Variants in SERPINI1 observed in about 807,000 individuals in gnomAD.
The protein encoded by SERPINI1 is serpin family I member 1.
SERPINI1 carries 19 observed loss-of-function variants against 41.1 expected under a neutral mutation model. That is an observed-to-expected ratio of 0.46 (90% confidence interval 0.32 to 0.68). SERPINI1 has a LOEUF of 0.68. SERPINI1 is among the 30% of genes least tolerant of loss of function. The pLI, the probability that SERPINI1 is intolerant of heterozygous loss-of-function variation, is 0.03. For synonymous variants in SERPINI1, 138 were observed against 156.6 expected (o/e 0.88, Z 0.89); for missense variants, 460 against 479.2 (o/e 0.96, Z 0.37).
intron 1 of SERPINI1, among the ~76,000 whole-genome samples, chr3:167,759,501 ATAT>A (rs1726309778): frequency 6.6e-6 from 1 of 151,596 alleles, no homozygotes; most frequent in Admixed American, 6.6e-5. Context: ...CAGAGGCCTA[ATAT>A]TATCCTAATT....
Position 167,789,157 on chromosome 3 carries a change from T to C in SERPINI1, c.29T>C (p.Leu10Pro). 1 of 1,614,138 alleles carries C rather than the reference T, an allele frequency of 6.2e-7. No individual in the cohort carries two copies. Among genetic ancestry groups the C allele is most frequent in the Non-Finnish European group, 8.5e-7 (1 of 1,179,986 alleles). MAFLGLFSL[L>P]VLQSMATGAT... ...GCTTTCCTTGGACTCTTCTCTTTGC[T>C]GGTTCTGCAAAGTATGGCTACAGGG... Residue 10 changes from leucine (L) to proline (P), a missense_variant, in exon 2 of 9, where the codon CTG (leucine) becomes CCG (proline). By Grantham distance (98) the Leu-to-Pro change is moderately conservative. Transcript: ENST00000446050.
At chr3:167,784,155 T>C (rs1399474467) in intron 1 of SERPINI1, among the ~76,000 whole-genome samples, 1 of 152,212 alleles carries the variant, frequency 6.6e-6, no homozygotes, top group African/African-American at 2.4e-5. Context: ...TCTGACCATC[T>C]GTAACCTCTG....
At chr3:167,793,850 G>A (rs1727622181) in intron 4 of SERPINI1, among the ~76,000 whole-genome samples, 1 of 151,092 alleles carries the variant, frequency 6.6e-6, no homozygotes, top group African/African-American at 2.4e-5. Flanking sequence ...GTGTGTGTGT[G>A]TGTGTGTGTG....
At chr3:167,772,128 G>A (rs1726776716) in intron 1 of SERPINI1, among the ~76,000 whole-genome samples, 1 of 152,098 alleles carries the variant, frequency 6.6e-6, no homozygotes, top group Admixed American at 6.6e-5. Context: ...CTACCTATAG[G>A]CTTGTTATGA....
chr3:167,742,394 A>C (rs1333483473), intron 1 of SERPINI1, among the ~76,000 whole-genome samples: 7 of 152,202 alleles, frequency 4.6e-5, no homozygotes, highest in African/African-American at 1.4e-4. Flanking sequence ...TGAGGAGAGT[A>C]GTTGTTTGCT....
At chr3:167,758,981 G>C (rs1248719209) in intron 1 of SERPINI1, among the ~76,000 whole-genome samples, 2 of 152,070 alleles carry the variant, frequency 1.3e-5, no homozygotes, top group African/African-American at 4.8e-5. Context: ...TATAAAAGAA[G>C]CTTAAGAGAT....
intron 5 of SERPINI1, among the ~76,000 whole-genome samples, chr3:167,804,573 C>T (rs902816494): frequency 3.9e-5 from 6 of 152,178 alleles, no homozygotes; most frequent in Non-Finnish European, 7.3e-5. Context: ...TGTTTTATGT[C>T]TGTAGTCCTA....
chr3:167,809,305 C>G (rs1711781591), intron 6 of SERPINI1, among the ~76,000 whole-genome samples: 1 of 152,190 alleles, frequency 6.6e-6, no homozygotes, highest in Non-Finnish European at 1.5e-5. Flanking sequence ...GGCCAAATTC[C>G]AATTGGATAA....
At chr3:167,772,864 C>CTCTCTATATATA (rs1374013676) in intron 1 of SERPINI1, among the ~76,000 whole-genome samples, 67 of 24,590 alleles carry the variant, frequency 2.7e-3, no homozygotes, top group East Asian at 6.8e-3. Flanking sequence ...CTCTCTCTCT[C>CTCTCTATATATA]TATATATATA....
Position 167,824,692 on chromosome 3 carries a change from A to G in SERPINI1, c.1156+130A>G, listed in dbSNP as rs7610532. The G allele has an allele frequency of 0.09, 56,000 of 620,742 alleles. 3,264 individuals carry two copies. The highest frequency in any genetic ancestry group is 0.2 in the African/African-American group (10,939 of 54,070). The allele number at this position is 620,742 out of a possible 1,614,324, so 38.5% of individuals were successfully genotyped here. On this transcript the variant is annotated intron_variant, in intron 8 of 8. Transcript: ENST00000446050. ...AATTTTATTTATTTATTCTCTTTCC[A>G]GAGATTGACCAACTGAATTATCAGA... is the stretch of plus-strand genomic sequence containing the variant.
At position 167,798,713 on chromosome 3, in the gene SERPINI1, T is replaced by A. The variant is rs2108562129; in HGVS notation, c.881+3889T>A. On this transcript the variant is annotated intron_variant, in intron 5 of 8. Transcript: ENST00000446050. Reference sequence around the variant, plus strand: ...TTACTTCCTATTTTGCTAGAATTTATACAAACAGCTTTCAAACACTGTCCT... The same window carrying A: ...TTACTTCCTATTTTGCTAGAATTTAAACAAACAGCTTTCAAACACTGTCCT... Among the ~76,000 whole-genome samples, 3 of 152,288 alleles carry A rather than the reference T, an allele frequency of 2.0e-5. No individual in the cohort carries two copies. The Middle Eastern group carries it at 0.01, about 518-fold the overall frequency.
At chr3:167,735,881 T>C (rs529730729) in intron 1 of SERPINI1, 58 bp downstream of exon 1, 1 of 152,244 alleles carries the variant, frequency 6.6e-6, no homozygotes, top group South Asian at 2.1e-4. Flanking sequence ...CGTCTTCCAA[T>C]AGGAATTACA....
At chr3:167,818,522 C>CT (rs933689543) in intron 6 of SERPINI1, among the ~76,000 whole-genome samples, 2 of 151,376 alleles carry the variant, frequency 1.3e-5, no homozygotes, top group Non-Finnish European at 2.9e-5. Context: ...TGGGTATGTT[C>CT]TTTTTTTGCT....
intron 1 of SERPINI1, among the ~76,000 whole-genome samples, chr3:167,771,873 A>G (rs941462782): frequency 4.6e-5 from 7 of 152,248 alleles, no homozygotes; most frequent in Non-Finnish European, 7.3e-5. Context: ...ACATGCACAC[A>G]TGGAATTTAG....
chr3:167,759,400 GTATATATA>G lies in SERPINI1; in HGVS notation c.-19+23591_-19+23598del, dbSNP rs71753556. ...ATCAACATTGGATAAAGAAAATGTG[GTATATATA>G]TATATATATATATGCGCCATGCAGT... On this transcript the variant is annotated intron_variant, in intron 1 of 8. Coordinates refer to ENST00000446050, the MANE Select transcript of SERPINI1 (RefSeq NM_001122752.2). Among the ~76,000 whole-genome samples the G allele has an allele frequency of 1.4e-3, 169 of 121,158 alleles. 6 individuals are homozygous for G. The highest frequency in any genetic ancestry group is 5.0e-3 in the African/African-American group (165 of 32,922). The allele number at this position is 121,158 out of a possible 152,430, so 79.5% of individuals were successfully genotyped here. A position where few individuals can be genotyped will look rare whatever the true frequency, so the allele number is the denominator to read the frequency against.
chr3:167,797,335 G>A (rs146438007), intron 5 of SERPINI1, among the ~76,000 whole-genome samples: 1 of 152,234 alleles, frequency 6.6e-6, no homozygotes, highest in Non-Finnish European at 1.5e-5. Flanking sequence ...CTGCGCAGAA[G>A]CTCTTTAATT....
intron 6 of SERPINI1, among the ~76,000 whole-genome samples, chr3:167,808,971 T>G (rs1054452180): frequency 6.6e-6 from 1 of 152,192 alleles, no homozygotes; most frequent in Non-Finnish European, 1.5e-5. Flanking sequence ...ACTAATGTAT[T>G]TGGTACAACT....
chr3:167,737,830 C>T (rs1459783103), intron 1 of SERPINI1, among the ~76,000 whole-genome samples: 4 of 151,960 alleles, frequency 2.6e-5, no homozygotes, highest in Admixed American at 1.3e-4. Flanking sequence ...CTCTGAGACA[C>T]GGTAAAGGAT....
chr3:167,820,018 A>G (rs1290526604), intron 6 of SERPINI1, among the ~76,000 whole-genome samples: 1 of 152,212 alleles, frequency 6.6e-6, no homozygotes, highest in Non-Finnish European at 1.5e-5. Flanking sequence ...ATGGTTTGCT[A>G]GGGCTGCTGT....
Sources: allele counts gnomAD v4.1 joint callset (sites outside exome capture counted in the v4.1 genomes callset), GRCh38; gene constraint gnomAD v4.1.1; transcripts MANE v1.5; gene names NCBI Gene and HGNC (gene_info 2026-07-23, HGNC 2026-07-21).